Variants in SYT16 observed in about 807,000 individuals in gnomAD.
SYT16 encodes the protein synaptotagmin 16, also known as synaptotagmin-16.
Under a neutral mutation model 61.4 loss-of-function variants are expected in SYT16, and 42 were observed. That is an observed-to-expected ratio of 0.68 (90% CI 0.53 to 0.89). The LOEUF (loss-of-function observed/expected upper bound fraction) is 0.89, where lower values mean the gene tolerates loss of function less well. SYT16 is among the 40% of genes least tolerant of loss of function. The pLI, the probability that SYT16 is intolerant of heterozygous loss-of-function variation, is 0.00. For synonymous variants in SYT16, 314 were observed against 302.3 expected (o/e 1.04, Z -0.40); for missense variants, 804 against 807.3 (o/e 1.00, Z 0.05).
At chr14:61,865,152 C>A (rs1301544725) in intron 1 of SYT16, 2 of 1,245,400 alleles carry the variant, frequency 1.6e-6, no homozygotes, top group Admixed American at 1.7e-5. Flanking sequence ...AAATGCCGCT[C>A]CCTGCAGTTA....
upstream of SYT16, chr14:61,812,578 G>C (rs112102789): frequency 2.0e-5 from 3 of 150,692 alleles, no homozygotes; most frequent in African/African-American, 7.3e-5. Context: ...TTCTGCCCGG[G>C]AGGCTGGGCT....
chr14:61,970,570 C>T (rs940397606), intron 2 of SYT16, among the ~76,000 whole-genome samples: 1 of 152,112 alleles, frequency 6.6e-6, no homozygotes, highest in African/African-American at 2.4e-5. Context: ...AGCCTTGATG[C>T]GTTTTAGTCT....
At chr14:61,862,089 G>A (rs1311839861) in intron 1 of SYT16, among the ~76,000 whole-genome samples, 3 of 152,152 alleles carry the variant, frequency 2.0e-5, no homozygotes, top group Non-Finnish European at 4.4e-5. Flanking sequence ...AGTTATGTGT[G>A]CTTTATTGTT....
chr14:61,965,604 A>G (rs2051285570), intron 1 of SYT16, among the ~76,000 whole-genome samples: 1 of 152,164 alleles, frequency 6.6e-6, no homozygotes, highest in Non-Finnish European at 1.5e-5. Context: ...TTCAAAGGTC[A>G]TAATAGTGCA....
At chr14:62,044,297 A>G (rs1023932122) in intron 3 of SYT16, among the ~76,000 whole-genome samples, 1 of 152,004 alleles carries the variant, frequency 6.6e-6, no homozygotes, top group African/African-American at 2.4e-5. Context: ...TCTTCTTTTA[A>G]TTTTACTTTA....
At chr14:61,994,208 G>T (rs2052673713) in intron 2 of SYT16, among the ~76,000 whole-genome samples, 1 of 152,176 alleles carries the variant, frequency 6.6e-6, no homozygotes, top group Non-Finnish European at 1.5e-5. Flanking sequence ...CCCCCATGTT[G>T]TGAGTCTAGA....
At chr14:61,954,325 T>TA (rs2050787064) in intron 1 of SYT16, among the ~76,000 whole-genome samples, 1 of 147,130 alleles carries the variant, frequency 6.8e-6, no homozygotes, top group Non-Finnish European at 1.5e-5. Context: ...TTTTTTTTTT[T>TA]ACCCCTTCAC....
intron 1 of SYT16, among the ~76,000 whole-genome samples, chr14:61,877,713 G>A (rs1467000557): frequency 6.6e-6 from 1 of 152,184 alleles, no homozygotes; most frequent in Non-Finnish European, 1.5e-5. Flanking sequence ...CCTTCTCCCT[G>A]GGGAGCTGTG....
At chr14:61,989,096 G>C (rs1446384224) in intron 2 of SYT16, among the ~76,000 whole-genome samples, 1 of 152,094 alleles carries the variant, frequency 6.6e-6, no homozygotes, top group African/African-American at 2.4e-5. Flanking sequence ...TTGTCAAAAA[G>C]CATTATATAC....
intron 5 of SYT16, chr14:62,079,465 A>G (rs779925094): frequency 7.5e-5 from 46 of 609,652 alleles, no homozygotes; most frequent in Non-Finnish European, 1.0e-4. Flanking sequence ...AAAATAGAAC[A>G]TGGAAAGGAT....
chr14:62,043,958 C>T (rs552086043), intron 3 of SYT16, among the ~76,000 whole-genome samples: 2 of 152,140 alleles, frequency 1.3e-5, no homozygotes, highest in East Asian at 1.9e-4. Context: ...CAGGCATGAA[C>T]CACCATGCCT....
At chr14:61,975,248 T>C (rs1462868130) in intron 2 of SYT16, among the ~76,000 whole-genome samples, 5 of 152,030 alleles carry the variant, frequency 3.3e-5, no homozygotes, top group African/African-American at 1.2e-4. Context: ...GGTAATATAA[T>C]CTCCATTTTA....
rs146869637 is a variant in SYT16, at chr14:62,075,270, G to C, written c.872G>C (p.Ser291Thr). The change falls in exon 5 of 8, where the codon AGT (serine) becomes ACT (threonine). Residue 291 changes from serine to threonine, a missense_variant. Physicochemically the swap from Ser to Thr is moderately conservative, Grantham distance 58. Coordinates refer to ENST00000683842, the MANE Select transcript of SYT16 (RefSeq NM_001367656.1). ...CACGGCACATCTCACCAAGAGTCCA[G>C]TGTGGTCCAAAGCCTCAGGCGCCAA... ...KHHGTSHQES[S>T]VVQSLRRQST... The C allele has an allele frequency of 4.8e-4, 773 of 1,613,904 alleles. 14 individuals are homozygous for C. The East Asian group carries it at 0.015, about 31-fold the overall frequency.
chr14:61,863,851 A>AC (rs2047042828), intron 1 of SYT16, among the ~76,000 whole-genome samples: 1 of 152,176 alleles, frequency 6.6e-6, no homozygotes, highest in Non-Finnish European at 1.5e-5. Flanking sequence ...TTGTTCCAGC[A>AC]CCAGTCGTGG....
At chr14:61,812,171 G>A (rs1259808447), upstream of SYT16, 1 of 152,272 alleles carries the variant, frequency 6.6e-6, no homozygotes, top group East Asian at 1.9e-4. Flanking sequence ...CGGCCCACTT[G>A]GAGCCTACGG....
intron 3 of SYT16, among the ~76,000 whole-genome samples, chr14:62,016,378 A>G (rs1021178305): frequency 6.6e-6 from 1 of 152,076 alleles, no homozygotes; most frequent in Non-Finnish European, 1.5e-5. Flanking sequence ...CTTTGAAATA[A>G]TTCAAGTACA....
At chr14:61,942,145 T>G (rs1362293537) in intron 1 of SYT16, among the ~76,000 whole-genome samples, 1 of 152,228 alleles carries the variant, frequency 6.6e-6, no homozygotes, top group East Asian at 1.9e-4. Context: ...AATGGGATGT[T>G]TTTACATCAA....
intron 3 of SYT16, among the ~76,000 whole-genome samples, chr14:62,060,399 A>G (rs2055774136): frequency 6.6e-6 from 1 of 152,030 alleles, no homozygotes; most frequent in Admixed American, 6.6e-5. Flanking sequence ...TTATATAATG[A>G]CCTTGCCAAA....
intron 1 of SYT16, among the ~76,000 whole-genome samples, chr14:61,947,205 A>T (rs1228630170): frequency 6.6e-6 from 1 of 150,832 alleles, no homozygotes; most frequent in Non-Finnish European, 1.5e-5. Flanking sequence ...CTCTGGTCTC[A>T]GCTCTGCTAC....
Sources: allele counts gnomAD v4.1 joint callset (sites outside exome capture counted in the v4.1 genomes callset), GRCh38; gene constraint gnomAD v4.1.1; transcripts MANE v1.5; gene names NCBI Gene and HGNC (gene_info 2026-07-23, HGNC 2026-07-21).